Variants in SENP7 observed in about 807,000 individuals in gnomAD.
The protein encoded by SENP7 is sentrin-specific protease 7.
Under a neutral mutation model 141.2 loss-of-function variants are expected in SENP7, and 64 were observed. The ratio of observed to expected loss-of-function variants is 0.45; its 90% confidence interval spans 0.37 to 0.56. The LOEUF (loss-of-function observed/expected upper bound fraction) is 0.56, where lower values mean the gene tolerates loss of function less well. SENP7 is among the 20% of genes least tolerant of loss of function. SENP7 has a pLI of 0.00. For missense variants in SENP7, 1,025 were observed against 1,212.2 expected, an observed-to-expected ratio of 0.85 and a Z score of 2.29; for synonymous variants, 382 against 426.4, an observed-to-expected ratio of 0.90 and a Z score of 1.28.
intron 5 of SENP7, chr3:101,414,163 T>G: frequency 3.7e-6 from 2 of 536,794 alleles, no homozygotes; most frequent in Non-Finnish European, 6.6e-6. Context: ...AAAAGACAGA[T>G]TTAGGGGTTA....
chr3:101,425,494 G>C (rs2061931438), intron 4 of SENP7, among the ~76,000 whole-genome samples: 1 of 152,068 alleles, frequency 6.6e-6, no homozygotes, highest in Non-Finnish European at 1.5e-5. Flanking sequence ...CAAGATAAAA[G>C]AAAAAGACTC....
intron 11 of SENP7, among the ~76,000 whole-genome samples, chr3:101,354,847 C>T (rs2059698251): frequency 6.6e-6 from 1 of 151,980 alleles, no homozygotes; most frequent in Non-Finnish European, 1.5e-5. Flanking sequence ...TAATTTGCAT[C>T]CCCCAACAAG....
intron 9 of SENP7, among the ~76,000 whole-genome samples, chr3:101,365,791 G>C (rs1296824025): frequency 6.6e-6 from 1 of 151,932 alleles, no homozygotes; most frequent in Admixed American, 6.6e-5. Flanking sequence ...CTATATCAGC[G>C]CAATTATTCA....
At chr3:101,364,402 T>C (rs2107371503) in intron 10 of SENP7, among the ~76,000 whole-genome samples, 1 of 152,272 alleles carries the variant, frequency 6.6e-6, no homozygotes, top group Middle Eastern at 3.4e-3. Context: ...ACTTGATAGG[T>C]TTCTGACCTA....
intron 4 of SENP7, among the ~76,000 whole-genome samples, chr3:101,426,145 C>T (rs897284152): frequency 6.6e-6 from 1 of 152,154 alleles, no homozygotes; most frequent in Non-Finnish European, 1.5e-5. Flanking sequence ...CATTCCCCAA[C>T]CTATCATTCA....
At chr3:101,473,932 G>A (rs1175067454) in intron 3 of SENP7, among the ~76,000 whole-genome samples, 1 of 152,178 alleles carries the variant, frequency 6.6e-6, no homozygotes, top group Non-Finnish European at 1.5e-5. Context: ...AAGGGGTCTA[G>A]TTTTAATTTT....
At chr3:101,340,262 T>C (rs1212892037) in intron 15 of SENP7, 51 bp from the exon 16 acceptor site, 2 of 1,515,092 alleles carry the variant, frequency 1.3e-6, no homozygotes, top group African/African-American at 2.9e-5. Flanking sequence ...AATCCTATTA[T>C]CTAAGAGATT....
intron 13 of SENP7, among the ~76,000 whole-genome samples, chr3:101,347,133 G>C (rs2059483894): frequency 6.6e-6 from 1 of 151,528 alleles, no homozygotes; most frequent in South Asian, 2.1e-4. Flanking sequence ...GAGGTGGGAG[G>C]ATCACATGAG....
chr3:101,489,608 T>A (rs2108083745), intron 3 of SENP7, among the ~76,000 whole-genome samples: 1 of 148,932 alleles, frequency 6.7e-6, no homozygotes, highest in Non-Finnish European at 1.5e-5. Context: ...CAAAAAGACT[T>A]AACTAATTAT....
At chr3:101,437,405 G>C (rs887680853) in intron 4 of SENP7, among the ~76,000 whole-genome samples, 3 of 152,152 alleles carry the variant, frequency 2.0e-5, no homozygotes, top group Non-Finnish European at 2.9e-5. Flanking sequence ...ATAAATGCTT[G>C]AGGGGATGGA....
At chr3:101,399,652 G>C (rs2061075864) in intron 5 of SENP7, among the ~76,000 whole-genome samples, 3 of 152,154 alleles carry the variant, frequency 2.0e-5, no homozygotes, top group Admixed American at 1.3e-4. Context: ...TTTTTGTTTA[G>C]TTGGTTTTTC....
At chr3:101,491,952 C>T (rs897380884) in intron 3 of SENP7, among the ~76,000 whole-genome samples, 1 of 152,108 alleles carries the variant, frequency 6.6e-6, no homozygotes, top group African/African-American at 2.4e-5. Flanking sequence ...ATTAGCCGGG[C>T]GTGGTGGCAC....
At chr3:101,358,489 T>C in intron 11 of SENP7, 2 of 329,152 alleles carry the variant, frequency 6.1e-6, no homozygotes, top group Non-Finnish European at 6.1e-6. Flanking sequence ...TGAGAATTTA[T>C]ATGGAACATA....
At chr3:101,411,631 T>C (rs528025166) in intron 5 of SENP7, among the ~76,000 whole-genome samples, 19 of 152,288 alleles carry the variant, frequency 1.2e-4, no homozygotes, top group Non-Finnish European at 2.4e-4. Context: ...GTCAAGGACA[T>C]TCCAGGGCTA....
chr3:101,457,714 T>A, intron 4 of SENP7: 1 of 1,021,526 alleles, frequency 9.8e-7, no homozygotes, highest in South Asian at 1.4e-5. Flanking sequence ...TCCTGATTCA[T>A]GATTGTTTCT....
rs1300191507 is a variant in SENP7, at chr3:101,513,196, G to A, written c.-66C>T. ...CTCAGGACCCCTCCGGCTTGGAGAGGGAGGGGGAGGGGAAAGGAAAAAAAA... is the reference window on the plus strand; with the variant it reads ...CTCAGGACCCCTCCGGCTTGGAGAGAGAGGGGGAGGGGAAAGGAAAAAAAA... On this transcript the variant is annotated 5_prime_UTR_variant, in exon 1 of 24. Coordinates refer to ENST00000394095, the MANE Select transcript of SENP7 (RefSeq NM_020654.5). The A allele has an allele frequency of 4.0e-6, 3 of 744,138 alleles. No homozygotes were observed. Among genetic ancestry groups the A allele is most frequent in the Middle Eastern group, 3.3e-4 (1 of 3,002 alleles). 46.1% of individuals were successfully genotyped at this position (744,138 alleles called of 1,614,324 possible).
chr3:101,443,603 G>T (rs2062766768), intron 4 of SENP7, among the ~76,000 whole-genome samples: 2 of 151,570 alleles, frequency 1.3e-5, no homozygotes, highest in Non-Finnish European at 2.9e-5. Flanking sequence ...TCTTCCATTT[G>T]TTTGTATCCT....
chr3:101,381,682 A>G (rs1360956901), intron 6 of SENP7, among the ~76,000 whole-genome samples: 1 of 152,104 alleles, frequency 6.6e-6, no homozygotes, highest in Non-Finnish European at 1.5e-5. Context: ...AACCGTGCAA[A>G]TGAGTATCAT....
At chr3:101,328,315 T>C (rs1309719954) in intron 22 of SENP7, among the ~76,000 whole-genome samples, 163 bp downstream of exon 22, 2 of 151,968 alleles carry the variant, frequency 1.3e-5, no homozygotes, top group Non-Finnish European at 2.9e-5. Flanking sequence ...ACTTGAATAT[T>C]AACAGAATAG....
Sources: allele counts gnomAD v4.1 joint callset (sites outside exome capture counted in the v4.1 genomes callset), GRCh38; gene constraint gnomAD v4.1.1; transcripts MANE v1.5; gene names NCBI Gene and HGNC (gene_info 2026-07-23, HGNC 2026-07-21).